The following APAF1 variants were observed in gnomAD, a reference collection of about 807,000 sequenced individuals.
APAF1 encodes the protein apoptotic protease-activating factor 1.
Under a neutral mutation model 152.4 loss-of-function variants are expected in APAF1, and 91 were observed. That is an observed-to-expected ratio of 0.60 (90% CI 0.50 to 0.71). APAF1 has a LOEUF of 0.71. Ranked by LOEUF, APAF1 falls within the 30% of genes least tolerant of loss-of-function variation. The pLI is 0.00. For synonymous variants in APAF1, 484 were observed against 494.1 expected (o/e 0.98, Z 0.27); for missense variants, 1,283 against 1,472.0 (o/e 0.87, Z 2.10).
In APAF1 at chr12:98,715,439, G is replaced by T. The variant is rs1179538281; in HGVS notation, c.2971G>T (p.Val991Leu). 1.2e-6 allele frequency: 2 copies of T among 1,613,066 alleles called. No homozygotes were observed. Among genetic ancestry groups the T allele is most frequent in the South Asian group, 2.2e-5 (2 of 91,032 alleles). Reference sequence around the variant, plus strand: ...TTCTGCTTTGAAGATTTTAGAACTTGTAAACAATAGAATCTTCCAGTCCAG... The same window carrying T: ...TTCTGCTTTGAAGATTTTAGAACTTTTAAACAATAGAATCTTCCAGTCCAG... ...ENGAIEILEL[V>L]NNRIFQSRFQ... The change falls in exon 22 of 27, where the codon GTA becomes TTA. Residue 991 changes from valine (V) to leucine (L), a missense_variant. Coordinates refer to ENST00000551964, the MANE Select transcript of APAF1 (RefSeq NM_181861.2).
At chr12:98,728,074 C>T (rs2097753732) in intron 26 of APAF1, among the ~76,000 whole-genome samples, 1 of 152,116 alleles carries the variant, frequency 6.6e-6, no homozygotes, top group Non-Finnish European at 1.5e-5. Flanking sequence ...CACAAGACTG[C>T]TTTCCTCAGA....
At chr12:98,707,068 G>T (rs1425927635) in intron 19 of APAF1, among the ~76,000 whole-genome samples, 1 of 151,874 alleles carries the variant, frequency 6.6e-6, no homozygotes, top group Non-Finnish European at 1.5e-5. Context: ...CTTCTTTCTT[G>T]CTTTTCTGCA....
At position 98,674,463 on chromosome 12, in the gene APAF1, G is replaced by C. The variant is rs375195806; in HGVS notation, c.1793+2744G>C. ...GGTCTCTCTCTCTCTCTCTCTCTCT[G>C]AGAAGCAGCCCCCTAACTTACTGAA... On this transcript the variant is annotated intron_variant, in intron 12 of 26. Coordinates refer to ENST00000551964, the MANE Select transcript of APAF1 (RefSeq NM_181861.2). Among the ~76,000 whole-genome samples the C allele has an allele frequency of 1.3e-3, 192 of 148,078 alleles. 1 individual carries two copies. Among genetic ancestry groups the C allele is most frequent in the African/African-American group, 4.4e-3 (177 of 40,146 alleles).
chr12:98,653,732 AC>A (rs1183803752), intron 4 of APAF1, among the ~76,000 whole-genome samples: 4 of 111,238 alleles, frequency 3.6e-5, no homozygotes, highest in African/African-American at 1.3e-4. Flanking sequence ...ATAGTTTTTA[AC>A]TATTTATGTC....
intron 10 of APAF1, among the ~76,000 whole-genome samples, chr12:98,669,907 C>T (rs1057017877): frequency 1.3e-5 from 2 of 150,506 alleles, no homozygotes; most frequent in African/African-American, 4.9e-5. Context: ...CCTGCCCTCC[C>T]CTCTTCCTGC....
chr12:98,688,154 T>C (rs147699305), intron 16 of APAF1, among the ~76,000 whole-genome samples: 10 of 152,336 alleles, frequency 6.6e-5, no homozygotes, highest in African/African-American at 2.2e-4. Flanking sequence ...TTCTGAAATT[T>C]ATAGGCCTAA....
At chr12:98,652,329 TGG>T (rs1338798554) in intron 4 of APAF1, among the ~76,000 whole-genome samples, 2 of 152,168 alleles carry the variant, frequency 1.3e-5, no homozygotes, top group African/African-American at 2.4e-5. Flanking sequence ...CAGATGAGTA[TGG>T]GGACTCCGAT....
chr12:98,733,479 C>T lies in APAF1; in HGVS notation c.*913C>T, dbSNP rs1055181303. On this transcript the variant is annotated 3_prime_UTR_variant, in exon 27 of 27. Coordinates refer to ENST00000551964, the MANE Select transcript of APAF1 (RefSeq NM_181861.2). ...ACAGGGTCTTGCACTATCACCCAGGCTGGAGTGCAGTGGCATAATCATACC... is the reference window on the plus strand; with the variant it reads ...ACAGGGTCTTGCACTATCACCCAGGTTGGAGTGCAGTGGCATAATCATACC... The T allele has an allele frequency of 6.6e-6, 1 of 152,472 alleles. No individual in the cohort carries two copies. Among genetic ancestry groups the T allele is most frequent in the Admixed American group, 6.5e-5 (1 of 15,274 alleles). The allele number at this position is 152,472 out of a possible 1,614,324, so 9.4% of individuals were successfully genotyped here.
rs770610441 is a variant in APAF1, at chr12:98,727,241, C to T, written c.3525C>T (p.Thr1175=). 1 of 1,613,988 alleles carries T rather than the reference C, an allele frequency of 6.2e-7. No homozygotes were observed. Residue 1175 remains threonine, a synonymous_variant, in exon 26 of 27, where the codon ACC becomes ACT. Coordinates refer to ENST00000551964, the MANE Select transcript of APAF1 (RefSeq NM_181861.2). ...CGCTTTCAGAAGAAGGAGCTGCTAC[C>T]CATGGAGGCTGGGTGACTGACCTTT... ...CAPLSEEGAA[T]HGGWVTDLCF...
At chr12:98,727,596 A>G (rs2097752464) in intron 26 of APAF1, among the ~76,000 whole-genome samples, 1 of 151,962 alleles carries the variant, frequency 6.6e-6, no homozygotes, top group African/African-American at 2.4e-5. Flanking sequence ...TAACTAAAGA[A>G]AAGAACAGAA....
At chr12:98,719,136 C>G (rs1414091857) in intron 22 of APAF1, among the ~76,000 whole-genome samples, 1 of 152,202 alleles carries the variant, frequency 6.6e-6, no homozygotes, top group Non-Finnish European at 1.5e-5. Context: ...TCCTTCCAGA[C>G]TGTACCTCAC....
In APAF1 at chr12:98,723,493, G is replaced by A. The variant is rs1237913194; in HGVS notation, c.3205-146G>A. ...GCTGTGTTTAATGAGCATTTATACTGTTAGTCACATTTAAAGTAAAGGGGT... is the reference window on the plus strand; with the variant it reads ...GCTGTGTTTAATGAGCATTTATACTATTAGTCACATTTAAAGTAAAGGGGT... On this transcript the variant is annotated intron_variant, in intron 23 of 26. Coordinates refer to ENST00000551964, the MANE Select transcript of APAF1 (RefSeq NM_181861.2). The A allele has an allele frequency of 5.3e-6, 5 of 947,216 alleles. No individual in the cohort carries two copies. The East Asian group carries it at 7.3e-5, about 14-fold the overall frequency. The allele number at this position is 947,216 out of a possible 1,614,324, so 58.7% of individuals were successfully genotyped here.
intron 6 of APAF1, 23 bp downstream of exon 6, chr12:98,662,591 T>G (rs752069194): frequency 1.2e-6 from 2 of 1,604,730 alleles, no homozygotes; most frequent in Admixed American, 3.3e-5. Context: ...CGTTTACTTT[T>G]TAGTACCTTT....
chr12:98,680,694 G>A (rs1383846450), intron 14 of APAF1, among the ~76,000 whole-genome samples: 1 of 152,142 alleles, frequency 6.6e-6, no homozygotes, highest in Non-Finnish European at 1.5e-5. Flanking sequence ...AGGATTATAG[G>A]TATGAGCCAC....
chr12:98,678,940 C>G (rs1351004990), intron 13 of APAF1, among the ~76,000 whole-genome samples: 2 of 152,182 alleles, frequency 1.3e-5, no homozygotes, highest in African/African-American at 4.8e-5. Context: ...CCCTTGGCAC[C>G]TACAGCCTGG....
At chr12:98,684,003 G>A (rs950003269) in intron 15 of APAF1, among the ~76,000 whole-genome samples, 6 of 152,064 alleles carry the variant, frequency 3.9e-5, no homozygotes, top group Non-Finnish European at 8.8e-5. Context: ...TGGAATCCCA[G>A]AAAGATCTGC....
Position 98,712,310 on chromosome 12 carries a change from T to A in APAF1, c.2842-9T>A. ...GCCTAATAACTGATTTTGCCTCATT[T>A]TTCATTAGCTCATTAATGGAAGAAC... On this transcript the variant is annotated splice_polypyrimidine_tract_variant and intron_variant, in intron 20 of 26. Transcript: ENST00000551964. 13 of 1,567,564 alleles carry A rather than the reference T, an allele frequency of 8.3e-6. No homozygotes were observed. The highest frequency in any genetic ancestry group is 1.1e-5 in the Non-Finnish European group (13 of 1,137,926).
At position 98,732,457 on chromosome 12, in the gene APAF1, T is replaced by C. The variant is rs2097763825; in HGVS notation, c.3638T>C (p.Phe1213Ser). The C allele has an allele frequency of 6.2e-7, 1 of 1,612,868 alleles. No individual in the cohort carries two copies. Among genetic ancestry groups the C allele is most frequent in the Non-Finnish European group, 8.5e-7 (1 of 1,178,826 alleles). The change falls in exon 27 of 27, where the codon TTC (phenylalanine) becomes TCC (serine). Residue 1213 changes from phenylalanine (F) to serine (S), a missense_variant. Transcript: ENST00000551964. ...GTCACTGGGGAATCCTCACAGACCT[T>C]CTACACAAATGGAACCAATCTTAAG... ...NVVTGESSQT[F>S]YTNGTNLKKI...
Position 98,734,383 on chromosome 12 carries a change from A to G in APAF1, c.*1817A>G, listed in dbSNP as rs1304875443. The G allele has an allele frequency of 1.3e-5, 2 of 152,240 alleles. No individual in the cohort carries two copies. The highest frequency in any genetic ancestry group is 4.8e-5 in the African/African-American group (2 of 41,458). 9.4% of individuals were successfully genotyped at this position (152,240 alleles called of 1,614,324 possible). On this transcript the variant is annotated 3_prime_UTR_variant, in exon 27 of 27. Coordinates refer to ENST00000551964, the MANE Select transcript of APAF1 (RefSeq NM_181861.2). ...AAATCTAAAGAAACATTTTCTCTGA[A>G]ATATATTATTAAGGGCAATGGAGAT...
Sources: gnomAD v4.1 joint callset for allele counts (sites outside exome capture counted in the v4.1 genomes callset) on GRCh38, gnomAD v4.1.1 for gene constraint, MANE v1.5 for transcripts, NCBI Gene and HGNC (gene_info 2026-07-23, HGNC 2026-07-21) for gene names.